Variants in KCNJ16 observed in about 807,000 individuals in gnomAD.
KCNJ16 encodes potassium inwardly rectifying channel subfamily J member 16, also known as inward rectifier potassium channel 16.
Under a neutral mutation model 18.5 loss-of-function variants are expected in KCNJ16, and 15 were observed. The observed-to-expected ratio is 0.81, with a 90% CI of 0.54 to 1.25. The LOEUF is 1.25. Among genes scored for constraint, KCNJ16 ranks in the 50% most tolerant of loss-of-function variants. KCNJ16 has a pLI of 0.00. For missense variants in KCNJ16, 523 were observed against 525.7 expected (o/e 0.99, Z 0.05); for synonymous variants, 174 against 186.5 (o/e 0.93, Z 0.55).
chr17:70,107,558 C>T (rs2072990141), intron 2 of KCNJ16, among the ~76,000 whole-genome samples: 1 of 151,966 alleles, frequency 6.6e-6, no homozygotes, highest in African/African-American at 2.4e-5. Flanking sequence ...TGCAGAATTA[C>T]AGAATGAAAA....
chr17:70,132,015 C>A lies in KCNJ16; in HGVS notation c.-73C>A, dbSNP rs779686130. The A allele has an allele frequency of 6.3e-7, 1 of 1,595,316 alleles. No individual in the cohort carries two copies. Among genetic ancestry groups the A allele is most frequent in the East Asian group, 2.2e-5 (1 of 44,612 alleles). On this transcript the variant is annotated 5_prime_UTR_variant, in exon 4 of 4. Coordinates refer to ENST00000392671, the MANE Select transcript of KCNJ16 (RefSeq NM_170741.4). ...TTTAGGTTCTAACTGAAAACCCAAA[C>A]CAAGAAATAGCAACAAGTCTAGAAT...
At chr17:70,104,744 G>A (rs1405814836) in intron 2 of KCNJ16, 1 of 152,548 alleles carries the variant, frequency 6.6e-6, no homozygotes, top group Non-Finnish European at 1.5e-5. Context: ...AGGCATGGAA[G>A]AAGGCTATTC....
chr17:70,120,377 T>C (rs1467792831), intron 2 of KCNJ16, among the ~76,000 whole-genome samples: 1 of 152,196 alleles, frequency 6.6e-6, no homozygotes, highest in Non-Finnish European at 1.5e-5. Flanking sequence ...CACTTTCGCA[T>C]TTTCACGTGT....
intron 1 of KCNJ16, among the ~76,000 whole-genome samples, chr17:70,092,337 A>G (rs968842540): frequency 1.8e-4 from 28 of 152,162 alleles, no homozygotes; most frequent in African/African-American, 6.8e-4. Context: ...TCACTTCCTG[A>G]CCATGGGATG....
intron 2 of KCNJ16, among the ~76,000 whole-genome samples, chr17:70,104,474 A>G (rs1183490279): frequency 6.6e-6 from 1 of 152,206 alleles, no homozygotes; most frequent in Non-Finnish European, 1.5e-5. Context: ...GCTGTTTGCC[A>G]TAGGTATAGG....
At chr17:70,125,925 C>T (rs547072508) in intron 2 of KCNJ16, among the ~76,000 whole-genome samples, 7 of 150,434 alleles carry the variant, frequency 4.7e-5, no homozygotes, top group East Asian at 2.0e-4. Context: ...AGCAAGTTTC[C>T]GTCTCAAAAA....
chr17:70,088,192 T>G (rs917339752), intron 1 of KCNJ16, among the ~76,000 whole-genome samples: 1 of 152,126 alleles, frequency 6.6e-6, no homozygotes, highest in Non-Finnish European at 1.5e-5. Context: ...CACCAGATAC[T>G]GGTTTTGTAG....
At chr17:70,095,933 A>G (rs113793950) in intron 1 of KCNJ16, among the ~76,000 whole-genome samples, 8,710 of 114,194 alleles carry the variant, frequency 0.076, 336 homozygotes, top group Middle Eastern at 0.17. Context: ...CCCAGGCTGT[A>G]GTGCAGTGGC....
At chr17:70,107,770 A>G (rs1051600287) in intron 2 of KCNJ16, among the ~76,000 whole-genome samples, 5 of 152,112 alleles carry the variant, frequency 3.3e-5, no homozygotes, top group Admixed American at 2.0e-4. Context: ...ATCTTCTTGG[A>G]AAGACTTTCA....
chr17:70,105,583 T>C (rs1282889337), intron 2 of KCNJ16, among the ~76,000 whole-genome samples: 1 of 152,168 alleles, frequency 6.6e-6, no homozygotes, highest in Non-Finnish European at 1.5e-5. Flanking sequence ...CAACTAAAAA[T>C]ATAGACAGAA....
At chr17:70,103,521 TTCC>T (rs1299653771) in intron 2 of KCNJ16, among the ~76,000 whole-genome samples, 2 of 151,724 alleles carry the variant, frequency 1.3e-5, no homozygotes, top group Non-Finnish European at 2.9e-5. Flanking sequence ...GTCACAATTT[TTCC>T]TCCTACTTCA....
intron 2 of KCNJ16, among the ~76,000 whole-genome samples, chr17:70,103,246 TA>T (rs1192515911): frequency 7.9e-6 from 1 of 126,806 alleles, no homozygotes; most frequent in Non-Finnish European, 1.7e-5. Context: ...TTTATGTGTA[TA>T]TATATATTTA....
chr17:70,089,722 A>C (rs941813339), intron 1 of KCNJ16, among the ~76,000 whole-genome samples: 7 of 152,234 alleles, frequency 4.6e-5, no homozygotes, highest in Non-Finnish European at 8.8e-5. Flanking sequence ...TTTTTTCAAA[A>C]GGTTACCACA....
intron 2 of KCNJ16, among the ~76,000 whole-genome samples, chr17:70,125,038 G>A (rs1429688368): frequency 2.0e-5 from 3 of 152,112 alleles, no homozygotes; most frequent in Non-Finnish European, 4.4e-5. Flanking sequence ...GGCCGAGGCT[G>A]GAGGATTGCT....
intron 1 of KCNJ16, among the ~76,000 whole-genome samples, chr17:70,079,388 G>A (rs991501486): frequency 6.6e-6 from 1 of 152,180 alleles, no homozygotes; most frequent in Non-Finnish European, 1.5e-5. Flanking sequence ...GATGAGAAAT[G>A]TTCCTCACAT....
chr17:70,132,105 C>T lies in KCNJ16; in HGVS notation c.18C>T (p.Ser6=). ...AGCAAAGAATGAGCTATTACGGCAG[C>T]AGCTATCATATTATCAATGCGGACG... The part of the protein sequence containing the change: MSYYG[S]SYHIINADAK... The change falls in exon 4 of 4, where the codon AGC becomes AGT. Residue 6 remains serine, a synonymous_variant. Transcript: ENST00000392671. 5 of 1,614,180 alleles carry T rather than the reference C, an allele frequency of 3.1e-6. No individual in the cohort carries two copies. The highest frequency in any genetic ancestry group is 4.2e-6 in the Non-Finnish European group (5 of 1,180,030).
At chr17:70,081,151 T>C (rs2071535525) in intron 1 of KCNJ16, among the ~76,000 whole-genome samples, 5 of 152,216 alleles carry the variant, frequency 3.3e-5, no homozygotes, top group South Asian at 4.1e-4. Flanking sequence ...TGCACCAGGA[T>C]TGTCATATCA....
intron 2 of KCNJ16, among the ~76,000 whole-genome samples, chr17:70,129,576 C>G (rs1381227237): frequency 6.6e-6 from 1 of 152,116 alleles, no homozygotes. Context: ...GTTGGAGAGT[C>G]AAGAAAAGGA....
rs563497225 is a variant in KCNJ16, at chr17:70,130,539, G to C, written c.-190-340G>C. 4.6e-5 allele frequency among the ~76,000 whole-genome samples: 7 copies of C among 152,214 alleles called. No homozygotes were observed. In the East Asian group the frequency reaches 9.7e-4, roughly 21 times the overall value. On this transcript the variant is annotated intron_variant, in intron 2 of 3. Transcript: ENST00000392671. Reference sequence around the variant, plus strand: ...CCTTGTAAGTGGTGCATTAAACAAAGAGTTTATTGTAAAGTGGGCCTGATC... The same window carrying C: ...CCTTGTAAGTGGTGCATTAAACAAACAGTTTATTGTAAAGTGGGCCTGATC...
Sources: gnomAD v4.1 joint callset for allele counts (sites outside exome capture counted in the v4.1 genomes callset) on GRCh38, gnomAD v4.1.1 for gene constraint, MANE v1.5 for transcripts, NCBI Gene and HGNC (gene_info 2026-07-23, HGNC 2026-07-21) for gene names.